Variants in HDAC4 observed in about 807,000 individuals in gnomAD.
The protein encoded by HDAC4 is histone deacetylase 4.
HDAC4 carries 16 observed loss-of-function variants against 135.1 expected under a neutral mutation model. The observed-to-expected ratio is 0.12, with a 90% CI of 0.08 to 0.18. The LOEUF (loss-of-function observed/expected upper bound fraction) is 0.18, where lower values mean the gene tolerates loss of function less well. HDAC4 is among the 10% of genes least tolerant of loss of function. HDAC4 has a pLI of 1.00. For synonymous variants in HDAC4, 685 were observed against 653.4 expected (o/e 1.05, Z -0.74); for missense variants, 1,143 against 1,511.8 (o/e 0.76, Z 4.05).
chr2:239,166,006 T>C (rs890092774), intron 5 of HDAC4, among the ~76,000 whole-genome samples: 2 of 152,348 alleles, frequency 1.3e-5, no homozygotes, highest in African/African-American at 4.8e-5. Context: ...TAAGGCTCTA[T>C]GGATATTCTG....
chr2:239,190,068 G>T lies in HDAC4; in HGVS notation c.104C>A (p.Ala35Asp). The change falls in exon 4 of 27, where the codon GCC (alanine) becomes GAC (aspartate). Residue 35 changes from alanine (A) to aspartate (D), a missense_variant. Coordinates refer to ENST00000543185, the MANE Select transcript of HDAC4 (RefSeq NM_001378414.1). ...GGCCACTTGCAGAGGCAGCGCCGTG[G>T]CCACATCCACTGTGGGAAAAACAAG... ...VNHMPSTVDV[A>D]TALPLQVAPS... is the part of the protein sequence containing the mutation. The T allele has an allele frequency of 6.3e-7, 1 of 1,598,994 alleles. No individual in the cohort carries two copies.
intron 14 of HDAC4, among the ~76,000 whole-genome samples, chr2:239,108,996 C>T (rs538721110): frequency 1.3e-5 from 2 of 152,344 alleles, no homozygotes; most frequent in East Asian, 1.9e-4. Context: ...TACGTGGGAC[C>T]GCTGTGAAGG....
At chr2:239,152,683 T>C (rs926216497) in intron 7 of HDAC4, among the ~76,000 whole-genome samples, 4 of 152,180 alleles carry the variant, frequency 2.6e-5, no homozygotes, top group African/African-American at 7.2e-5. Context: ...ATTTTGGGTA[T>C]AAATCTTGGT....
intron 17 of HDAC4, chr2:239,094,411 C>G: frequency 1.6e-6 from 1 of 620,806 alleles, no homozygotes; most frequent in Non-Finnish European, 1.9e-6. Flanking sequence ...ATATCATCAG[C>G]TCGTAGAAGC....
chr2:239,253,250 CAA>C (rs2048884226), intron 2 of HDAC4, among the ~76,000 whole-genome samples: 1 of 152,276 alleles, frequency 6.6e-6, no homozygotes, highest in African/African-American at 2.4e-5. Context: ...CAAAACAAAA[CAA>C]AGATGCAGCT....
chr2:239,068,423 C>T lies in HDAC4; in HGVS notation c.2869+66G>A, dbSNP rs541782194. 3.3e-5 allele frequency: 38 copies of T among 1,152,006 alleles called. 2 individuals are homozygous for T. Among genetic ancestry groups the T allele is most frequent in the Middle Eastern group, 3.9e-4 (2 of 5,152 alleles). 71.4% of individuals were successfully genotyped at this position (1,152,006 alleles called of 1,614,324 possible). A position where few individuals can be genotyped will look rare whatever the true frequency, so the allele number is the denominator to read the frequency against. ...TCGTTATTAAAAAGGGGACCTGACA[C>T]GCGGAACACAGCGGATCATGGACAT... On this transcript the variant is annotated intron_variant, in intron 23 of 26. Transcript: ENST00000543185. The surrounding 1 kb of genome is among the most constrained non-coding windows in gnomAD (Gnocchi z 4.4).
chr2:239,066,671 C>T (rs750559742), intron 24 of HDAC4, 51 bp downstream of exon 24: 2 of 1,612,044 alleles, frequency 1.2e-6, no homozygotes, highest in Non-Finnish European at 1.7e-6. Context: ...AGGCCACAAC[C>T]CCGAGCCTGT....
At chr2:239,283,601 A>G (rs1020461367) in intron 2 of HDAC4, among the ~76,000 whole-genome samples, 15 of 152,382 alleles carry the variant, frequency 9.8e-5, no homozygotes, top group Admixed American at 9.8e-4. Context: ...AGAAATCAGG[A>G]AGGCAGAGTT....
rs2033886812 is a variant in HDAC4, at chr2:239,068,916, G to A, written c.2751-309C>T. 7.1e-6 allele frequency: 2 copies of A among 281,512 alleles called. No homozygotes were observed. Among genetic ancestry groups the A allele is most frequent in the African/African-American group, 3.3e-5 (1 of 29,922 alleles). The allele number at this position is 281,512 out of a possible 1,614,324, so 17.4% of individuals were successfully genotyped here. A position where few individuals can be genotyped will look rare whatever the true frequency, so the allele number is the denominator to read the frequency against. ...CCCACTGCACTTGCTTGGTGAGAGG[G>A]AGTCACGGTGCAAGCCAGCAAGCCC... On this transcript the variant is annotated intron_variant, in intron 22 of 26. Coordinates refer to ENST00000543185, the MANE Select transcript of HDAC4 (RefSeq NM_001378414.1). The surrounding 1 kb of genome is among the most constrained non-coding windows in gnomAD (Gnocchi z 4.4).
chr2:239,061,571 C>T (rs747376156), intron 24 of HDAC4, among the ~76,000 whole-genome samples: 4 of 151,722 alleles, frequency 2.6e-5, no homozygotes, highest in Non-Finnish European at 5.9e-5. Context: ...GCATGTGAGA[C>T]TGTGGTGCCT....
At chr2:239,319,731 C>G (rs1263934188) in intron 2 of HDAC4, among the ~76,000 whole-genome samples, 1 of 152,174 alleles carries the variant, frequency 6.6e-6, no homozygotes, top group Non-Finnish European at 1.5e-5. Context: ...CTAATGAACA[C>G]CAGTCACCGA....
At chr2:239,266,665 C>A (rs1419047037) in intron 2 of HDAC4, among the ~76,000 whole-genome samples, 1 of 152,300 alleles carries the variant, frequency 6.6e-6, no homozygotes, top group Admixed American at 6.5e-5. Context: ...AGCTCACATC[C>A]CACCCTCTCT....
chr2:239,352,643 G>T lies in HDAC4; in HGVS notation c.22+35C>A. The stretch of plus-strand genomic sequence containing the variant: ...TTCTACTTTGGGCAAAGAAAGCCCC[G>T]CTGTGTGCCCAGAGAAGAAATGACC... On this transcript the variant is annotated intron_variant, in intron 2 of 26. Transcript: ENST00000543185. This position sits in a 1 kb window ranked among gnomAD's most constrained non-coding sequence, Gnocchi z 4.4. 6.5e-7 allele frequency: 1 copy of T among 1,549,654 alleles called. No individual in the cohort carries two copies. Among genetic ancestry groups the T allele is most frequent in the East Asian group, 2.4e-5 (1 of 41,004 alleles).
At chr2:239,329,024 C>T (rs1691372517) in intron 2 of HDAC4, among the ~76,000 whole-genome samples, 1 of 152,260 alleles carries the variant, frequency 6.6e-6, no homozygotes, top group African/African-American at 2.4e-5. Context: ...CTCCTTCCTC[C>T]AGGCCCAGGC....
rs1428348217 is a variant in HDAC4, at chr2:239,110,922, C to T, written c.1978+604G>A. Among the ~76,000 whole-genome samples the T allele has an allele frequency of 3.3e-5, 5 of 152,322 alleles. No homozygotes were observed. The South Asian group carries it at 1.0e-3, about 32-fold the overall frequency. ...CAGGGCCCGGCCCCTCCTGCCTCCT[C>T]AGCCGTGGTGGACGCCTTACTTGCC... On this transcript the variant is annotated intron_variant, in intron 14 of 26. Transcript: ENST00000543185.
intron 7 of HDAC4, among the ~76,000 whole-genome samples, chr2:239,153,024 G>C (rs1049697917): frequency 1.3e-5 from 2 of 152,198 alleles, no homozygotes; most frequent in African/African-American, 4.8e-5. Context: ...TCCCAAGGTG[G>C]CGGGTGAAGG....
intron 1 of HDAC4, among the ~76,000 whole-genome samples, chr2:239,354,562 A>AT (rs566361037): frequency 0.02 from 1,551 of 76,602 alleles, 54 homozygotes; most frequent in Middle Eastern, 0.044. Flanking sequence ...TAGTCTAGAA[A>AT]TTTTTTTTTT....
At chr2:239,107,889 C>G (rs192580022) in intron 15 of HDAC4, among the ~76,000 whole-genome samples, 161 bp downstream of exon 15, 24 of 152,350 alleles carry the variant, frequency 1.6e-4, no homozygotes, top group Non-Finnish European at 3.4e-4. Context: ...GATAGCTGCC[C>G]GCCCAAATGC....
At chr2:239,180,972 C>T (rs1407345014) in intron 4 of HDAC4, among the ~76,000 whole-genome samples, 1 of 152,236 alleles carries the variant, frequency 6.6e-6, no homozygotes, top group East Asian at 1.9e-4. Context: ...GCGGAAGTGG[C>T]CTGGATGGCA....
Sources: gnomAD v4.1 joint callset for allele counts (sites outside exome capture counted in the v4.1 genomes callset) on GRCh38, gnomAD v4.1.1 for gene constraint, Gnocchi (gnomAD v3.1) non-coding constraint, MANE v1.5 for transcripts, NCBI Gene and HGNC (gene_info 2026-07-23, HGNC 2026-07-21) for gene names.